SHTN1: variants seen among roughly 807,000 people sequenced by gnomAD.
SHTN1 encodes shootin 1.
SHTN1 carries 42 observed loss-of-function variants against 83.1 expected under a neutral mutation model. The observed-to-expected ratio is 0.51, with a 90% CI of 0.39 to 0.65. The LOEUF is 0.65. SHTN1 is among the 30% of genes least tolerant of loss of function. The probability of loss-of-function intolerance (pLI) is 0.00; values close to 1 mark genes in which losing one functional copy is unlikely to be tolerated. For synonymous variants in SHTN1, 224 were observed against 247.7 expected, an observed-to-expected ratio of 0.90 and a Z score of 0.90; for missense variants, 622 against 737.8, an observed-to-expected ratio of 0.84 and a Z score of 1.82.
intron 2 of SHTN1, among the ~76,000 whole-genome samples, chr10:116,969,581 C>T (rs549235737): frequency 1.3e-5 from 2 of 152,182 alleles, no homozygotes; most frequent in Non-Finnish European, 2.9e-5. Flanking sequence ...ATATTCCATA[C>T]TAAGCACATA....
chr10:117,115,402 T>C (rs1853831916), intron 1 of SHTN1, among the ~76,000 whole-genome samples: 1 of 152,170 alleles, frequency 6.6e-6, no homozygotes, highest in East Asian at 1.9e-4. Flanking sequence ...AAAAAGGTAA[T>C]GGCACCTGTC....
chr10:116,909,966 C>T (rs907493119), intron 14 of SHTN1, among the ~76,000 whole-genome samples: 10 of 152,152 alleles, frequency 6.6e-5, no homozygotes, highest in Admixed American at 2.0e-4. Context: ...TTGTTTCTTA[C>T]ATGCCATGAT....
In SHTN1 at chr10:116,890,957, C is replaced by T. The variant is rs548671900; in HGVS notation, c.1674-4391G>A. 1.2e-4 allele frequency among the ~76,000 whole-genome samples: 19 copies of T among 152,326 alleles called. No individual in the cohort carries two copies. The East Asian group carries it at 3.7e-3, about 29-fold the overall frequency. On this transcript the variant is annotated intron_variant, in intron 16 of 16. Transcript: ENST00000355371. ...GAAATTCCTTTCAAAATCAACTTTC[C>T]ACGTTCCAACTATATTCAACAACAT...
At chr10:117,024,506 C>T (rs1342655841) in intron 2 of SHTN1, among the ~76,000 whole-genome samples, 1 of 151,870 alleles carries the variant, frequency 6.6e-6, no homozygotes, top group African/African-American at 2.4e-5. Flanking sequence ...AGGCGCCCAC[C>T]ACCACGCCTG....
At chr10:117,104,375 G>C (rs1397688985) in intron 1 of SHTN1, among the ~76,000 whole-genome samples, 1 of 152,132 alleles carries the variant, frequency 6.6e-6, no homozygotes, top group African/African-American at 2.4e-5. Flanking sequence ...AGTTATTTGG[G>C]TACAAGAGTG....
At chr10:117,124,864 A>G (rs1015001304) in intron 1 of SHTN1, among the ~76,000 whole-genome samples, 4 of 152,266 alleles carry the variant, frequency 2.6e-5, no homozygotes, top group African/African-American at 9.6e-5. Context: ...CATGGCCAAT[A>G]AAAGTCAAAG....
intron 1 of SHTN1, among the ~76,000 whole-genome samples, chr10:117,103,369 G>A (rs1228497103): frequency 2.0e-5 from 3 of 151,998 alleles, no homozygotes; most frequent in South Asian, 2.1e-4. Flanking sequence ...GGGATTACAG[G>A]CATGAGCCAC....
intron 12 of SHTN1, among the ~76,000 whole-genome samples, chr10:116,918,327 T>TAA (rs201624226): frequency 1.4e-5 from 2 of 138,722 alleles, no homozygotes; most frequent in Admixed American, 7.1e-5. Flanking sequence ...TAGTTCCTTA[T>TAA]AAAAAAAAAA....
intron 1 of SHTN1, among the ~76,000 whole-genome samples, chr10:117,113,282 G>A (rs1853793652): frequency 6.6e-6 from 1 of 152,172 alleles, no homozygotes. Flanking sequence ...CCCTAGAGAG[G>A]GAAAAGGTGA....
intron 1 of SHTN1, among the ~76,000 whole-genome samples, chr10:117,082,919 C>A (rs1393250976): frequency 6.6e-6 from 1 of 150,890 alleles, no homozygotes; most frequent in Non-Finnish European, 1.5e-5. Flanking sequence ...TTATTTTGAG[C>A]CTATGTGTGC....
At chr10:116,952,780 C>G (rs990593868) in intron 5 of SHTN1, among the ~76,000 whole-genome samples, 1 of 152,176 alleles carries the variant, frequency 6.6e-6, no homozygotes, top group African/African-American at 2.4e-5. Context: ...CCTTTAATTT[C>G]TTACTGTTTT....
At chr10:117,064,246 A>G (rs889375460) in intron 1 of SHTN1, among the ~76,000 whole-genome samples, 1 of 152,204 alleles carries the variant, frequency 6.6e-6, no homozygotes, top group South Asian at 2.1e-4. Context: ...GCACTGTGAT[A>G]TTGAGACTAT....
chr10:116,927,275 T>C (rs1032424142), intron 11 of SHTN1, among the ~76,000 whole-genome samples: 3 of 152,210 alleles, frequency 2.0e-5, no homozygotes, highest in African/African-American at 4.8e-5. Context: ...CTTAATGTTA[T>C]TGAATGAAAT....
intron 16 of SHTN1, among the ~76,000 whole-genome samples, chr10:116,899,544 TGTGAGA>T (rs142160236): frequency 0.15 from 14,489 of 98,804 alleles, 981 homozygotes; most frequent in Admixed American, 0.27. Flanking sequence ...TGTGTGTGTG[TGTGAGA>T]GAGTGCATGC....
intron 16 of SHTN1, chr10:116,900,902 G>C: frequency 1.0e-5 from 10 of 985,160 alleles, no homozygotes; most frequent in Non-Finnish European, 1.2e-5. Context: ...AAGAGAGGAA[G>C]AAAATACCAG....
At chr10:117,060,214 C>A (rs181290071) in intron 1 of SHTN1, among the ~76,000 whole-genome samples, 296 of 152,034 alleles carry the variant, frequency 1.9e-3, no homozygotes, top group African/African-American at 6.6e-3. Context: ...CAGAGTAAGA[C>A]CCTATCTCTA....
At chr10:117,062,915 G>C (rs369550323) in intron 1 of SHTN1, among the ~76,000 whole-genome samples, 110 of 152,228 alleles carry the variant, frequency 7.2e-4, no homozygotes, top group African/African-American at 2.5e-3. Flanking sequence ...GCAAGGCATA[G>C]GTAATTACAT....
At chr10:116,947,970 C>CA (rs1564891587) in intron 7 of SHTN1, among the ~76,000 whole-genome samples, 1 of 152,154 alleles carries the variant, frequency 6.6e-6, no homozygotes, top group East Asian at 1.9e-4. Flanking sequence ...GTTGATGAAT[C>CA]ACAAAAAGAT....
At chr10:116,891,409 G>C (rs1349726594) in intron 16 of SHTN1, among the ~76,000 whole-genome samples, 1 of 152,194 alleles carries the variant, frequency 6.6e-6, no homozygotes, top group African/African-American at 2.4e-5. Context: ...GTCTGTGGCA[G>C]CCATCCAACA....
Sources: gnomAD v4.1 joint callset for allele counts (sites outside exome capture counted in the v4.1 genomes callset) on GRCh38, gnomAD v4.1.1 for gene constraint, MANE v1.5 for transcripts, NCBI Gene and HGNC (gene_info 2026-07-23, HGNC 2026-07-21) for gene names.